The following TTLL11 variants were observed in gnomAD, a reference collection of about 807,000 sequenced individuals.
The protein encoded by TTLL11 is tubulin tyrosine ligase like 11.
In TTLL11, 42 loss-of-function variants were observed where a neutral mutation model predicts 51.7. The observed-to-expected ratio is 0.81, with a 90% CI of 0.64 to 1.05. The LOEUF is 1.05. Ranked by LOEUF, TTLL11 falls within the 50% of genes least tolerant of loss-of-function variation. The probability of loss-of-function intolerance (pLI) is 0.00; values close to 1 mark genes in which losing one functional copy is unlikely to be tolerated. For missense variants in TTLL11, 799 were observed against 940.4 expected (o/e 0.85, Z 1.97); for synonymous variants, 381 against 383.5 (o/e 0.99, Z 0.08).
chr9:121,967,176 G>A (rs961059591), intron 6 of TTLL11, among the ~76,000 whole-genome samples: 1 of 147,802 alleles, frequency 6.8e-6, no homozygotes, highest in Non-Finnish European at 1.5e-5. Flanking sequence ...CCAGGACACA[G>A]GCCGCTCCTC....
chr9:121,906,116 G>T (rs947412080), intron 6 of TTLL11, among the ~76,000 whole-genome samples: 5 of 152,082 alleles, frequency 3.3e-5, no homozygotes, highest in Non-Finnish European at 5.9e-5. Context: ...ATGAGATTAG[G>T]CAATATTTTC....
chr9:121,950,828 G>C (rs2131601213), intron 6 of TTLL11, among the ~76,000 whole-genome samples: 1 of 152,300 alleles, frequency 6.6e-6, no homozygotes, highest in Middle Eastern at 3.4e-3. Flanking sequence ...AACCGAACCT[G>C]GCTCAAATCA....
chr9:121,992,228 C>T (rs1588183951), intron 3 of TTLL11, among the ~76,000 whole-genome samples: 1 of 152,170 alleles, frequency 6.6e-6, no homozygotes, highest in Non-Finnish European at 1.5e-5. Context: ...TTGTTCAGAA[C>T]GTGGTTCCCA....
At position 121,895,030 on chromosome 9, in the gene TTLL11, T is replaced by C. The variant is rs533180144; in HGVS notation, c.1482-24282A>G. Among the ~76,000 whole-genome samples, 8 of 152,224 alleles carry C rather than the reference T, an allele frequency of 5.3e-5. No homozygotes were observed. In the South Asian group the frequency reaches 1.5e-3, roughly 28 times the overall value. On this transcript the variant is annotated intron_variant, in intron 6 of 8. Transcript: ENST00000321582. ...GGTGGGACCAACGACAGGAATAAAC[T>C]GATTAAAGCCTTTTTAGCCACGTCC... is the stretch of plus-strand genomic sequence containing the variant.
At chr9:121,975,940 TGAA>T (rs1842698343) in intron 4 of TTLL11, among the ~76,000 whole-genome samples, 1 of 152,174 alleles carries the variant, frequency 6.6e-6, no homozygotes, top group Non-Finnish European at 1.5e-5. Context: ...ACAGCGTATT[TGAA>T]GAAGGGATTA....
chr9:121,879,157 T>C (rs1838677856), intron 6 of TTLL11, among the ~76,000 whole-genome samples: 1 of 152,182 alleles, frequency 6.6e-6, no homozygotes, highest in Non-Finnish European at 1.5e-5. Flanking sequence ...CACTGACATC[T>C]TTCTCTCATG....
At chr9:121,860,763 C>A (rs1837982146) in intron 7 of TTLL11, among the ~76,000 whole-genome samples, 1 of 152,222 alleles carries the variant, frequency 6.6e-6, no homozygotes, top group Admixed American at 6.5e-5. Flanking sequence ...GACATCAGAT[C>A]TACCAGCACC....
intron 3 of TTLL11, among the ~76,000 whole-genome samples, chr9:122,005,509 G>C (rs1245651697): frequency 6.6e-6 from 1 of 152,164 alleles, no homozygotes; most frequent in Non-Finnish European, 1.5e-5. Flanking sequence ...ATTGGGCTAA[G>C]AGGTCACAAA....
chr9:121,840,507 T>A (rs141762800), intron 8 of TTLL11, among the ~76,000 whole-genome samples: 2,529 of 152,322 alleles, frequency 0.017, 73 homozygotes, highest in African/African-American at 0.056. Flanking sequence ...GCGATTCTCC[T>A]GCCTCAGCCT....
In TTLL11 at chr9:122,093,224, AC is replaced by A. The variant is rs2131956107; in HGVS notation, c.-77del. 1 of 1,493,582 alleles carries A rather than the reference AC, an allele frequency of 6.7e-7. No individual in the cohort carries two copies. Among genetic ancestry groups the A allele is most frequent in the African/African-American group, 1.5e-5 (1 of 68,698 alleles). The allele number at this position is 1,493,582 out of a possible 1,614,324, so 92.5% of individuals were successfully genotyped here. ...CTCCGCCGCCCCAGTCCGCCACCAAACTGCCGCCGCTGCAGCCGCTGCCACG... is the reference window on the plus strand; with the variant it reads ...CTCCGCCGCCCCAGTCCGCCACCAAATGCCGCCGCTGCAGCCGCTGCCACG... On this transcript the variant is annotated 5_prime_UTR_variant, in exon 1 of 9. The change abolishes the stop of an existing upstream ORF in the 5' untranslated region. Coordinates refer to ENST00000321582, the MANE Select transcript of TTLL11 (RefSeq NM_001139442.2).
chr9:121,878,268 A>T (rs1432265435), intron 6 of TTLL11, among the ~76,000 whole-genome samples: 2 of 152,190 alleles, frequency 1.3e-5, no homozygotes, highest in African/African-American at 2.4e-5. Context: ...TCCACAAAGC[A>T]TCAAGATGAA....
chr9:121,953,808 C>T (rs1311873665), intron 6 of TTLL11, among the ~76,000 whole-genome samples: 1 of 152,044 alleles, frequency 6.6e-6, no homozygotes, highest in Admixed American at 6.6e-5. Flanking sequence ...AGCTCACAAT[C>T]GAAGCATGCT....
rs537972867 is a variant in TTLL11, at chr9:121,851,805, C to A, written c.1840+8532G>T. On this transcript the variant is annotated intron_variant, in intron 8 of 8. Coordinates refer to ENST00000321582, the MANE Select transcript of TTLL11 (RefSeq NM_001139442.2). ...CAAACAATTTACTGCCTGCTCCAGGCTGTGGGAGGAACGGATGGATGAGAG... is the reference window on the plus strand; with the variant it reads ...CAAACAATTTACTGCCTGCTCCAGGATGTGGGAGGAACGGATGGATGAGAG... 6.3e-3 allele frequency among the ~76,000 whole-genome samples: 952 copies of A among 150,778 alleles called. 6 individuals carry two copies. The highest frequency in any genetic ancestry group is 0.027 in the Middle Eastern group (8 of 294).
intron 6 of TTLL11, among the ~76,000 whole-genome samples, chr9:121,960,998 G>C (rs934179693): frequency 5.3e-5 from 8 of 152,162 alleles, no homozygotes; most frequent in African/African-American, 1.9e-4. Flanking sequence ...GGAAGAAATG[G>C]AAATTGCTTC....
rs528670191 is a variant in TTLL11, at chr9:121,822,337, T to C, written c.*250A>G. 3.0e-6 allele frequency: 1 copy of C among 334,874 alleles called. No homozygotes were observed. The highest frequency in any genetic ancestry group is 2.1e-5 in the African/African-American group (1 of 47,144). The allele number at this position is 334,874 out of a possible 1,614,324, so 20.7% of individuals were successfully genotyped here. On this transcript the variant is annotated 3_prime_UTR_variant, in exon 9 of 9. Transcript: ENST00000321582. The surrounding 1 kb of genome is among the most constrained non-coding windows in gnomAD (Gnocchi z 5.8). The stretch of plus-strand genomic sequence containing the variant: ...ATAGAAGGTGCCATCTGTCACGTTT[T>C]AGATGTCATATGTCCGATGACTGAT...
At chr9:122,027,014 T>C (rs1844366826) in intron 3 of TTLL11, among the ~76,000 whole-genome samples, 1 of 151,940 alleles carries the variant, frequency 6.6e-6, no homozygotes, top group Non-Finnish European at 1.5e-5. Context: ...AGAGGTTTAA[T>C]TGGATCACAG....
chr9:121,993,678 T>G (rs1843175471), intron 3 of TTLL11, among the ~76,000 whole-genome samples: 1 of 152,162 alleles, frequency 6.6e-6, no homozygotes, highest in South Asian at 2.1e-4. Context: ...GGTCTGAGAT[T>G]TATGATGCAT....
intron 6 of TTLL11, among the ~76,000 whole-genome samples, chr9:121,936,073 G>A (rs921059418): frequency 3.3e-5 from 5 of 152,150 alleles, no homozygotes; most frequent in Admixed American, 3.3e-4. Flanking sequence ...GGGTGGTTTG[G>A]CCAACTCAGT....
intron 6 of TTLL11, among the ~76,000 whole-genome samples, chr9:121,973,606 G>GGGGGGAA (rs1458580827): frequency 1.3e-5 from 2 of 151,250 alleles, no homozygotes; most frequent in Non-Finnish European, 3.0e-5. Context: ...GGTCAGGGGA[G>GGGGGGAA]GGGGGAAGGA....
Sources: gnomAD v4.1 joint callset for allele counts (sites outside exome capture counted in the v4.1 genomes callset) on GRCh38, gnomAD v4.1.1 for gene constraint, Gnocchi (gnomAD v3.1) non-coding constraint, MANE v1.5 for transcripts, NCBI Gene and HGNC (gene_info 2026-07-23, HGNC 2026-07-21) for gene names.